CDC42SE2: variants seen among roughly 807,000 people sequenced by gnomAD.
The protein encoded by CDC42SE2 is CDC42 small effector 2.
A neutral mutation model predicts 11.5 loss-of-function variants in CDC42SE2; 3 were observed. The ratio of observed to expected loss-of-function variants is 0.26; its 90% confidence interval spans 0.12 to 0.67. The LOEUF is 0.67. CDC42SE2 is among the 30% of genes least tolerant of loss of function. The pLI, the probability that CDC42SE2 is intolerant of heterozygous loss-of-function variation, is 0.80. For synonymous variants in CDC42SE2, 33 were observed against 34.8 expected (o/e 0.95, Z 0.18); for missense variants, 82 against 106.8 (o/e 0.77, Z 1.02).
intron 2 of CDC42SE2, among the ~76,000 whole-genome samples, chr5:131,349,326 A>C (rs1214629145): frequency 9.7e-6 from 1 of 102,580 alleles, no homozygotes; most frequent in East Asian, 3.3e-4. Context: ...AACATCACAC[A>C]CTGGGGCCTG....
chr5:131,306,424 C>A (rs375794390), intron 1 of CDC42SE2, among the ~76,000 whole-genome samples: 13 of 152,214 alleles, frequency 8.5e-5, no homozygotes, highest in Middle Eastern at 3.4e-3. Flanking sequence ...AGGTTTATTT[C>A]TGGGCTTTCT....
At chr5:131,249,788 C>T (rs898148901) in intron 1 of CDC42SE2, among the ~76,000 whole-genome samples, 9 of 152,062 alleles carry the variant, frequency 5.9e-5, no homozygotes, top group South Asian at 4.2e-4. Context: ...GAGGCTGAGG[C>T]GGGAGGATCA....
At chr5:131,337,797 C>T (rs952924765) in intron 2 of CDC42SE2, among the ~76,000 whole-genome samples, 13 of 152,182 alleles carry the variant, frequency 8.5e-5, no homozygotes, top group Admixed American at 1.3e-4. Context: ...CCTGGTGTGC[C>T]GTTTGTGAAG....
intron 1 of CDC42SE2, among the ~76,000 whole-genome samples, chr5:131,270,431 A>T (rs978941956): frequency 2.2e-4 from 33 of 152,236 alleles, no homozygotes; most frequent in Non-Finnish European, 4.1e-4. Context: ...GTTTCATTTG[A>T]CTTAATAAAA....
intron 1 of CDC42SE2, among the ~76,000 whole-genome samples, chr5:131,250,221 C>G (rs1756628938): frequency 6.6e-6 from 1 of 152,108 alleles, no homozygotes; most frequent in Non-Finnish European, 1.5e-5. Flanking sequence ...TGGAAACAAC[C>G]CAGATGCATG....
chr5:131,291,716 T>C (rs1211088145), intron 1 of CDC42SE2, among the ~76,000 whole-genome samples: 2 of 152,198 alleles, frequency 1.3e-5, no homozygotes, highest in African/African-American at 4.8e-5. Flanking sequence ...GCAAGTTTTA[T>C]ATTACCTTTT....
intron 2 of CDC42SE2, chr5:131,354,548 A>T (rs530766263): frequency 2.4e-4 from 37 of 152,308 alleles, no homozygotes; most frequent in African/African-American, 8.4e-4. Context: ...CATGTTTCTT[A>T]TCTCGCCATG....
At chr5:131,318,295 A>C (rs191619821) in intron 2 of CDC42SE2, among the ~76,000 whole-genome samples, 10 of 152,318 alleles carry the variant, frequency 6.6e-5, no homozygotes, top group African/African-American at 2.4e-4. Context: ...TTACCCATCA[A>C]TTTAAATGCA....
chr5:131,278,405 A>C (rs1001622538), intron 1 of CDC42SE2, among the ~76,000 whole-genome samples: 3 of 152,072 alleles, frequency 2.0e-5, no homozygotes, highest in Admixed American at 2.0e-4. Context: ...AAGGATGAGA[A>C]AATTTAGGAA....
At chr5:131,263,311 C>T (rs1756771465), upstream of CDC42SE2, among the ~76,000 whole-genome samples, 1 of 152,064 alleles carries the variant, frequency 6.6e-6, no homozygotes. Flanking sequence ...CTTACAGGTT[C>T]GAGAGCTTAC....
chr5:131,362,809 AT>A (rs1464021563), intron 3 of CDC42SE2, among the ~76,000 whole-genome samples: 1 of 152,182 alleles, frequency 6.6e-6, no homozygotes, highest in Non-Finnish European at 1.5e-5. Flanking sequence ...AAGGTTGTAG[AT>A]TTTTAACTGG....
chr5:131,331,103 A>G (rs1758412083), intron 2 of CDC42SE2, among the ~76,000 whole-genome samples: 1 of 152,194 alleles, frequency 6.6e-6, no homozygotes, highest in Admixed American at 6.5e-5. Flanking sequence ...AATCCTGGAA[A>G]GTTGGTATAA....
At chr5:131,389,337 AAAAC>A (rs541827213) in intron 4 of CDC42SE2, among the ~76,000 whole-genome samples, 43 of 152,300 alleles carry the variant, frequency 2.8e-4, no homozygotes, top group Admixed American at 5.9e-4. Flanking sequence ...TTATGTTTAA[AAAAC>A]AAACAAACAA....
At chr5:131,390,706 T>C (rs1451862593) in intron 4 of CDC42SE2, among the ~76,000 whole-genome samples, 1 of 152,074 alleles carries the variant, frequency 6.6e-6, no homozygotes, top group Non-Finnish European at 1.5e-5. Flanking sequence ...TCTATATATT[T>C]TTGACCATTT....
In CDC42SE2 at chr5:131,391,758, A is replaced by AAAAG. The variant is rs1468929844; in HGVS notation, c.*669_*672dup. ...GTTTATAAACTTTTCAAATTAATTAAAAAGACTACTTTGAAAAAGGATAAA... is the reference window on the plus strand; with the variant it reads ...GTTTATAAACTTTTCAAATTAATTAAAAAGAAAGACTACTTTGAAAAAGGATAAA... On this transcript the variant is annotated 3_prime_UTR_variant, in exon 5 of 5. Transcript: ENST00000505065. The AAAAG allele has an allele frequency of 6.6e-6, 1 of 152,230 alleles. No individual in the cohort carries two copies. 9.4% of individuals were successfully genotyped at this position (152,230 alleles called of 1,614,324 possible). A position where few individuals can be genotyped will look rare whatever the true frequency, so the allele number is the denominator to read the frequency against.
chr5:131,312,968 CT>C (rs1757961001), intron 1 of CDC42SE2, among the ~76,000 whole-genome samples: 1 of 151,808 alleles, frequency 6.6e-6, no homozygotes, highest in East Asian at 1.9e-4. Flanking sequence ...CTCCTCCTCC[CT>C]TTTCTTTTTC....
At chr5:131,287,962 G>A (rs1757375302) in intron 1 of CDC42SE2, among the ~76,000 whole-genome samples, 1 of 151,870 alleles carries the variant, frequency 6.6e-6, no homozygotes, top group South Asian at 2.1e-4. Flanking sequence ...TGGGAGAAGT[G>A]GCCGGGCGTG....
chr5:131,274,036 C>T (rs1757050569), intron 1 of CDC42SE2, among the ~76,000 whole-genome samples: 1 of 152,180 alleles, frequency 6.6e-6, no homozygotes, highest in Non-Finnish European at 1.5e-5. Flanking sequence ...CCCCAAAGTG[C>T]TGGGACTACA....
chr5:131,324,183 C>T (rs1758251296), intron 2 of CDC42SE2, among the ~76,000 whole-genome samples: 1 of 152,164 alleles, frequency 6.6e-6, no homozygotes, highest in Admixed American at 6.5e-5. Flanking sequence ...AATCACATCA[C>T]TGTATGAATA....
Sources: allele counts gnomAD v4.1 joint callset (sites outside exome capture counted in the v4.1 genomes callset), GRCh38; gene constraint gnomAD v4.1.1; transcripts MANE v1.5; gene names NCBI Gene and HGNC (gene_info 2026-07-23, HGNC 2026-07-21).